Variants in TMEM87B observed in about 807,000 individuals in gnomAD.
The protein encoded by TMEM87B is transmembrane protein 87B.
Under a neutral mutation model 80.3 loss-of-function variants are expected in TMEM87B, and 83 were observed. That is an observed-to-expected ratio of 1.03 (90% confidence interval 0.87 to 1.24). The LOEUF (loss-of-function observed/expected upper bound fraction) is 1.24. TMEM87B is among the 50% of genes most tolerant of loss of function. The pLI is 0.00. For missense variants in TMEM87B, 625 were observed against 674.4 expected (o/e 0.93, Z 0.81); for synonymous variants, 219 against 230.5 (o/e 0.95, Z 0.45).
At chr2:112,098,011 C>T (rs1426470639) in intron 13 of TMEM87B, among the ~76,000 whole-genome samples, 6 of 151,714 alleles carry the variant, frequency 4.0e-5, no homozygotes, top group African/African-American at 1.5e-4. Context: ...AGTCTCACTC[C>T]GTCAGCCAGT....
intron 9 of TMEM87B, among the ~76,000 whole-genome samples, chr2:112,086,570 G>A (rs560597120): frequency 9.9e-5 from 15 of 152,212 alleles, no homozygotes; most frequent in African/African-American, 3.6e-4. Flanking sequence ...TGAATCACTG[G>A]GCATAACTAT....
At chr2:112,085,286 A>C (rs1679109359) in intron 8 of TMEM87B, among the ~76,000 whole-genome samples, 1 of 152,236 alleles carries the variant, frequency 6.6e-6, no homozygotes, top group East Asian at 1.9e-4. Context: ...TTCTTGCAGC[A>C]TAGTTTGCTT....
chr2:112,066,625 A>G (rs989797682), intron 3 of TMEM87B, among the ~76,000 whole-genome samples: 16 of 152,360 alleles, frequency 1.1e-4, no homozygotes, highest in Admixed American at 5.9e-4. Flanking sequence ...AAGTAGCCCC[A>G]GAACAAAGTA....
At chr2:112,071,767 C>G (rs193270624) in intron 4 of TMEM87B, among the ~76,000 whole-genome samples, 5 of 152,046 alleles carry the variant, frequency 3.3e-5, no homozygotes, top group African/African-American at 1.2e-4. Context: ...ATTTGGGTGC[C>G]CTTTATTTCT....
chr2:112,099,594 A>T (rs968524227), intron 14 of TMEM87B, among the ~76,000 whole-genome samples: 4 of 147,914 alleles, frequency 2.7e-5, no homozygotes, highest in African/African-American at 9.9e-5. Flanking sequence ...ACTGTTCTGT[A>T]CCTTCCTGTT....
rs1680017151 is a variant in TMEM87B at position 112,116,116 on chromosome 2, A to C, written c.1641A>C (p.Lys547Asn). The C allele has an allele frequency of 1.2e-6, 2 of 1,613,182 alleles. No homozygotes were observed. Among genetic ancestry groups the C allele is most frequent in the Non-Finnish European group, 1.7e-6 (2 of 1,179,722 alleles). The change falls in exon 19 of 19, where the codon AAA becomes AAC. Residue 547 changes from lysine to asparagine, a missense_variant. By Grantham distance (94) the Lys-to-Asn change is moderately conservative (BLOSUM62 0). Transcript: ENST00000283206. ...TGACCAGATCTGAAATGGCTGAAAA[A>C]ATGTTCTCTTCAGAAAAGATAATGT... ...EIMTRSEMAE[K>N]MFSSEKIM is the part of the protein sequence containing the mutation.
chr2:112,102,248 A>G lies in TMEM87B; in HGVS notation c.1450+1553A>G, dbSNP rs551826122. ...CCACTTATAGACCAATATATCATTA[A>G]TGAGTGGGCATACAAAAATTCTTTA... On this transcript the variant is annotated intron_variant, in intron 15 of 18. Coordinates refer to ENST00000283206, the MANE Select transcript of TMEM87B (RefSeq NM_032824.3). 3.9e-5 allele frequency among the ~76,000 whole-genome samples: 6 copies of G among 152,374 alleles called. No homozygotes were observed. The South Asian group carries it at 1.2e-3, about 32-fold the overall frequency.
At chr2:112,107,100 G>T (rs1221173584) in intron 16 of TMEM87B, among the ~76,000 whole-genome samples, 1 of 152,206 alleles carries the variant, frequency 6.6e-6, no homozygotes, top group Non-Finnish European at 1.5e-5. Context: ...GCTAATGCCT[G>T]TAATCCCAGC....
intron 17 of TMEM87B, among the ~76,000 whole-genome samples, chr2:112,108,964 G>A (rs1000563120): frequency 1.3e-5 from 2 of 152,080 alleles, no homozygotes; most frequent in African/African-American, 4.8e-5. Flanking sequence ...CAAACTTTTT[G>A]TTAACACTTA....
At chr2:112,060,587 A>G (rs1678222847) in intron 2 of TMEM87B, among the ~76,000 whole-genome samples, 3 of 149,972 alleles carry the variant, frequency 2.0e-5, no homozygotes, top group South Asian at 4.3e-4. Flanking sequence ...CCCAGGCTGG[A>G]GTGCAGTGGC....
chr2:112,067,404 T>C (rs1445328144), intron 4 of TMEM87B, among the ~76,000 whole-genome samples: 2 of 152,066 alleles, frequency 1.3e-5, no homozygotes, highest in Non-Finnish European at 2.9e-5. Context: ...GGTCAGGAGT[T>C]TGAGACCAGC....
At chr2:112,071,120 G>A (rs746458533) in intron 4 of TMEM87B, among the ~76,000 whole-genome samples, 2 of 151,582 alleles carry the variant, frequency 1.3e-5, no homozygotes, top group African/African-American at 2.4e-5. Context: ...CACTGCGCCC[G>A]GCTGAGCATG....
At chr2:112,073,785 G>T (rs1462824466) in intron 4 of TMEM87B, among the ~76,000 whole-genome samples, 1 of 152,030 alleles carries the variant, frequency 6.6e-6, no homozygotes, top group Non-Finnish European at 1.5e-5. Context: ...TCCTGTGTTG[G>T]GTGCATATAT....
At chr2:112,112,838 T>C in intron 17 of TMEM87B, 61 bp from the exon 18 acceptor site, 1 of 1,532,206 alleles carries the variant, frequency 6.5e-7, no homozygotes, top group East Asian at 2.3e-5. Context: ...TATTCGGCTT[T>C]CGTGGATACA....
Position 112,116,313 on chromosome 2 carries a change from T to C in TMEM87B, c.*170T>C, listed in dbSNP as rs10171359. ...GGAGGTTCTATAGTCCTTTTAAAGC[T>C]GACTCTTGAGTGTCAGTTGAATATC... is the stretch of plus-strand genomic sequence containing the variant. On this transcript the variant is annotated 3_prime_UTR_variant, in exon 19 of 19. Coordinates refer to ENST00000283206, the MANE Select transcript of TMEM87B (RefSeq NM_032824.3). 10,619 of 567,032 alleles carry C rather than the reference T, an allele frequency of 0.019. 116 individuals carry two copies. The highest frequency in any genetic ancestry group is 0.027 in the African/African-American group (1,445 of 53,174). The allele number at this position is 567,032 out of a possible 1,614,324, so 35.1% of individuals were successfully genotyped here.
intron 1 of TMEM87B, among the ~76,000 whole-genome samples, chr2:112,057,202 G>T (rs1678101959): frequency 6.6e-6 from 1 of 152,192 alleles, no homozygotes; most frequent in Non-Finnish European, 1.5e-5. Flanking sequence ...CACATTTCAG[G>T]TTGTCAGAAA....
At chr2:112,069,189 A>C (rs1678545790) in intron 4 of TMEM87B, among the ~76,000 whole-genome samples, 1 of 126,018 alleles carries the variant, frequency 7.9e-6, no homozygotes, top group Non-Finnish European at 1.6e-5. Context: ...ACAGAGCGAG[A>C]CTCCGTCTCA....
chr2:112,112,816 G>A (rs1452182767), intron 17 of TMEM87B, 83 bp from the exon 18 acceptor site: 1 of 1,292,510 alleles, frequency 7.7e-7, no homozygotes. Context: ...AGTGGGCCAT[G>A]GCATGTGCCT....
intron 15 of TMEM87B, among the ~76,000 whole-genome samples, chr2:112,103,388 T>C (rs998246188): frequency 7.2e-5 from 11 of 152,266 alleles, no homozygotes; most frequent in Non-Finnish European, 1.0e-4. Context: ...ATAGATTCAG[T>C]GCAATCCCAA....
Sources: gnomAD v4.1 joint callset for allele counts (sites outside exome capture counted in the v4.1 genomes callset) on GRCh38, gnomAD v4.1.1 for gene constraint, MANE v1.5 for transcripts, NCBI Gene and HGNC (gene_info 2026-07-23, HGNC 2026-07-21) for gene names.